APBA2: variants seen among roughly 807,000 people sequenced by gnomAD.
The protein encoded by APBA2 is amyloid-beta A4 precursor protein-binding family A member 2.
In APBA2, 30 loss-of-function variants were observed where a neutral mutation model predicts 75.0. The observed-to-expected ratio is 0.40, with a 90% CI of 0.30 to 0.54. APBA2 has a LOEUF of 0.54. APBA2 is among the 20% of genes least tolerant of loss of function. APBA2 has a pLI of 0.49. For missense variants in APBA2, 801 were observed against 1,016.1 expected (o/e 0.79, Z 2.88); for synonymous variants, 444 against 409.6 (o/e 1.08, Z -1.01).
chr15:28,900,777 GTC>G (rs2032802521), intron 1 of APBA2, among the ~76,000 whole-genome samples: 1 of 152,200 alleles, frequency 6.6e-6, no homozygotes, highest in South Asian at 2.1e-4. Flanking sequence ...CTTCTCTTGT[GTC>G]TCTGTCCTGT....
chr15:28,923,741 C>T (rs796635152), intron 2 of APBA2, among the ~76,000 whole-genome samples: 1 of 152,324 alleles, frequency 6.6e-6, no homozygotes, highest in African/African-American at 2.4e-5. Flanking sequence ...TGACTGCTCC[C>T]TGTTTAGACT....
intron 1 of APBA2, among the ~76,000 whole-genome samples, chr15:28,893,152 A>C (rs1410432620): frequency 7.2e-5 from 11 of 152,188 alleles, no homozygotes; most frequent in Admixed American, 7.2e-4. Context: ...CCAGCTGTAG[A>C]GCGTCACTGC....
intron 3 of APBA2, among the ~76,000 whole-genome samples, chr15:29,026,243 C>T (rs1257453639): frequency 6.6e-6 from 1 of 152,202 alleles, no homozygotes; most frequent in East Asian, 1.9e-4. Context: ...GGGTTGGCCA[C>T]ACCTGATTCC....
chr15:28,955,749 TCCCA>T (rs2036132845), intron 2 of APBA2, among the ~76,000 whole-genome samples: 3 of 112,740 alleles, frequency 2.7e-5, no homozygotes, highest in African/African-American at 1.2e-4. Context: ...TCAAAGCTCC[TCCCA>T]GGTGCCTAGG....
chr15:29,050,194 C>T (rs902409869), intron 3 of APBA2, among the ~76,000 whole-genome samples: 2 of 152,170 alleles, frequency 1.3e-5, no homozygotes, highest in African/African-American at 4.8e-5. Flanking sequence ...AAATGCACAT[C>T]TGCGAGACTG....
intron 2 of APBA2, among the ~76,000 whole-genome samples, chr15:28,928,491 T>C (rs540330396): frequency 1.6e-4 from 25 of 152,182 alleles, no homozygotes; most frequent in African/African-American, 4.8e-4. Context: ...GGGCCAGCGG[T>C]CTATAGTCTT....
chr15:29,097,376 C>A (rs921755829), intron 8 of APBA2, among the ~76,000 whole-genome samples: 2 of 152,262 alleles, frequency 1.3e-5, no homozygotes, highest in African/African-American at 4.8e-5. Flanking sequence ...TGGCCCTCCT[C>A]CCTCCCAGGT....
chr15:28,926,888 G>A (rs574808939), intron 2 of APBA2, among the ~76,000 whole-genome samples: 6 of 132,374 alleles, frequency 4.5e-5, no homozygotes, highest in Admixed American at 1.7e-4. Context: ...ACAGAGTCTC[G>A]CTCTGTTGCC....
At chr15:28,892,174 A>G (rs149035459) in intron 1 of APBA2, among the ~76,000 whole-genome samples, 94 of 152,328 alleles carry the variant, frequency 6.2e-4, no homozygotes, top group African/African-American at 2.2e-3. Context: ...TCACGGGTTC[A>G]TGCCATTCTC....
In APBA2 at chr15:29,054,260, G is replaced by C; in HGVS notation, c.376G>C (p.Ala126Pro). ...CNGEEYLAHS[A>P]HPVDTDECQE... Reference sequence around the variant, plus strand: ...CGGGGAGGAGTACCTGGCCCACAGTGCACACCCTGTGGACACTGATGAGTG... The same window carrying C: ...CGGGGAGGAGTACCTGGCCCACAGTCCACACCCTGTGGACACTGATGAGTG... Residue 126 changes from alanine to proline, a missense_variant, in exon 4 of 15, where the codon GCA becomes CCA. Physicochemically the swap from Ala to Pro is conservative, Grantham distance 27. Transcript: ENST00000683413. The surrounding 1 kb of genome is among the most constrained non-coding windows in gnomAD (Gnocchi z 6.1). 1.9e-6 allele frequency: 3 copies of C among 1,614,170 alleles called. No individual in the cohort carries two copies. The highest frequency in any genetic ancestry group is 1.7e-6 in the Non-Finnish European group (2 of 1,180,038).
rs112232336 is a variant in APBA2 at position 29,003,734 on chromosome 15, A to G, written c.-41+7928A>G. 2.2e-3 allele frequency among the ~76,000 whole-genome samples: 331 copies of G among 152,256 alleles called. 1 individual carries two copies. The highest frequency in any genetic ancestry group is 7.7e-3 in the African/African-American group (320 of 41,548). On this transcript the variant is annotated intron_variant, in intron 3 of 14. Transcript: ENST00000683413. Reference sequence around the variant, plus strand: ...AGGCCATGGGGAAGGGCAGGCTGGAACTCCCAGGCATGGCTGCAGCTGCAG... The same window carrying G: ...AGGCCATGGGGAAGGGCAGGCTGGAGCTCCCAGGCATGGCTGCAGCTGCAG...
At chr15:29,064,414 A>G (rs1384995586) in intron 4 of APBA2, among the ~76,000 whole-genome samples, 2 of 152,170 alleles carry the variant, frequency 1.3e-5, no homozygotes, top group African/African-American at 4.8e-5. Context: ...TGAAAGTGGC[A>G]TTATCCTGCA....
At chr15:29,116,788 A>T (rs1015873601) in intron 14 of APBA2, among the ~76,000 whole-genome samples, 2 of 151,958 alleles carry the variant, frequency 1.3e-5, no homozygotes, top group African/African-American at 4.8e-5. Context: ...CCAATTTCTC[A>T]CCCCTCGGGT....
At chr15:29,072,985 A>T (rs546293672) in intron 4 of APBA2, among the ~76,000 whole-genome samples, 9 of 152,266 alleles carry the variant, frequency 5.9e-5, no homozygotes, top group African/African-American at 1.9e-4. Flanking sequence ...GCTCCCCTGC[A>T]TCCCCCACTC....
chr15:29,041,485 A>G (rs1416841332), intron 3 of APBA2, among the ~76,000 whole-genome samples: 9 of 131,274 alleles, frequency 6.9e-5, no homozygotes, highest in South Asian at 4.5e-4. Context: ...CCTGTCTCAG[A>G]AAAAAAAAAA....
At chr15:28,939,498 T>C (rs2035066104) in intron 2 of APBA2, among the ~76,000 whole-genome samples, 1 of 152,242 alleles carries the variant, frequency 6.6e-6, no homozygotes, top group Non-Finnish European at 1.5e-5. Context: ...GGCTCCAATT[T>C]CTCCACATCC....
Position 29,047,174 on chromosome 15 carries a change from C to T in APBA2, c.-40-6671C>T, listed in dbSNP as rs562949110. ...AGTCTTCATCTTTAACAGGCGGGCT[C>T]TTTGTCTTATACCAAAAGTGCCCCA... On this transcript the variant is annotated intron_variant, in intron 3 of 14. Transcript: ENST00000683413. Among the ~76,000 whole-genome samples the T allele has an allele frequency of 1.6e-4, 25 of 152,348 alleles. No homozygotes were observed. The South Asian group carries it at 5.2e-3, about 32-fold the overall frequency.
At chr15:28,969,370 G>T (rs1237386492) in intron 2 of APBA2, among the ~76,000 whole-genome samples, 1 of 151,778 alleles carries the variant, frequency 6.6e-6, no homozygotes, top group Non-Finnish European at 1.5e-5. Context: ...TAGTAGAGAT[G>T]GGGTTTCACC....
chr15:29,030,534 A>T (rs1328284241), intron 3 of APBA2, among the ~76,000 whole-genome samples: 1 of 152,114 alleles, frequency 6.6e-6, no homozygotes, highest in African/African-American at 2.4e-5. Flanking sequence ...AATTCTGTTT[A>T]TTCAGAGAAC....
Sources: gnomAD v4.1 joint callset for allele counts (sites outside exome capture counted in the v4.1 genomes callset) on GRCh38, gnomAD v4.1.1 for gene constraint, Gnocchi (gnomAD v3.1) non-coding constraint, MANE v1.5 for transcripts, NCBI Gene and HGNC (gene_info 2026-07-23, HGNC 2026-07-21) for gene names.